C1orf87: variants seen among roughly 807,000 people sequenced by gnomAD.
The protein encoded by C1orf87 is chromosome 1 open reading frame 87, also known as uncharacterized protein C1orf87.
In C1orf87, 58 loss-of-function variants were observed where a neutral mutation model predicts 60.5. The observed-to-expected ratio is 0.96, with a 90% CI of 0.78 to 1.19. C1orf87 has a LOEUF of 1.19. C1orf87 is among the 50% of genes most tolerant of loss of function. The pLI, the probability that C1orf87 is intolerant of heterozygous loss-of-function variation, is 0.00. For synonymous variants in C1orf87, 236 were observed against 227.4 expected (o/e 1.04, Z -0.34); for missense variants, 673 against 638.6 (o/e 1.05, Z -0.58).
chr1:60,019,341 G>A (rs546228515), intron 8 of C1orf87, among the ~76,000 whole-genome samples: 7 of 152,266 alleles, frequency 4.6e-5, no homozygotes, highest in South Asian at 4.1e-4. Flanking sequence ...GTTTCCTGTG[G>A]CCACTCAGCC....
chr1:60,041,096 TACAGAGCTGCAGTGG>T lies in C1orf87; in HGVS notation c.363_377del (p.His122_Val126del). ...AGGATAAGGACTGGTCTCCGGTTGG[TACAGAGCTGCAGTGG>T]ACATTTGCTTGACTGGGAATCTTAA... On this transcript the variant is annotated inframe_deletion, in exon 4 of 12. Coordinates refer to ENST00000371201, the MANE Select transcript of C1orf87 (RefSeq NM_152377.3). The T allele has an allele frequency of 6.2e-7, 1 of 1,608,084 alleles. No individual in the cohort carries two copies.
intron 11 of C1orf87, among the ~76,000 whole-genome samples, chr1:59,991,375 T>A (rs1041532545): frequency 5.3e-5 from 8 of 152,186 alleles, no homozygotes; most frequent in African/African-American, 1.9e-4. Context: ...AGCCCCGATA[T>A]AAAATGGAGT....
At chr1:60,046,723 G>A (rs1352353092) in intron 3 of C1orf87, among the ~76,000 whole-genome samples, 2 of 152,070 alleles carry the variant, frequency 1.3e-5, no homozygotes, top group African/African-American at 2.4e-5. Flanking sequence ...ACAGGCATGA[G>A]CCACTGCATC....
At chr1:60,009,440 C>T (rs1645067404) in intron 9 of C1orf87, among the ~76,000 whole-genome samples, 1 of 151,990 alleles carries the variant, frequency 6.6e-6, no homozygotes, top group East Asian at 1.9e-4. Context: ...TGTTTTAAGC[C>T]ACCAAGATTG....
At chr1:60,018,123 G>A (rs894857401) in intron 8 of C1orf87, among the ~76,000 whole-genome samples, 1 of 152,108 alleles carries the variant, frequency 6.6e-6, no homozygotes, top group Non-Finnish European at 1.5e-5. Flanking sequence ...CAGATTAATG[G>A]ACAATATGTA....
intron 7 of C1orf87, among the ~76,000 whole-genome samples, chr1:60,030,222 GA>G (rs1472091181): frequency 1.3e-5 from 2 of 152,192 alleles, no homozygotes; most frequent in Non-Finnish European, 2.9e-5. Flanking sequence ...TCAAACGCAA[GA>G]ATGGGTTAAA....
chr1:60,007,211 C>G (rs139028171), intron 9 of C1orf87, among the ~76,000 whole-genome samples: 8 of 152,176 alleles, frequency 5.3e-5, no homozygotes, highest in African/African-American at 1.4e-4. Flanking sequence ...AGCACCCAGA[C>G]TCTTACATAC....
At chr1:60,008,703 C>T (rs17119974) in intron 9 of C1orf87, 69,381 of 455,028 alleles carry the variant, frequency 0.15, 5,800 homozygotes, top group Admixed American at 0.19. Flanking sequence ...GCCCTAGCCA[C>T]GTGTGAAACC....
chr1:60,014,649 G>A (rs577517609), intron 8 of C1orf87, among the ~76,000 whole-genome samples: 1 of 152,200 alleles, frequency 6.6e-6, no homozygotes, highest in South Asian at 2.1e-4. Context: ...TCTTCTATGA[G>A]GGTTATGAAG....
chr1:60,068,605 C>T (rs1574332788), intron 2 of C1orf87, among the ~76,000 whole-genome samples: 3 of 152,290 alleles, frequency 2.0e-5, no homozygotes, highest in Middle Eastern at 3.4e-3. Context: ...CAATGACTCA[C>T]CAAAATCAAC....
At chr1:60,060,764 TA>T (rs938032238) in intron 2 of C1orf87, among the ~76,000 whole-genome samples, 12 of 151,206 alleles carry the variant, frequency 7.9e-5, no homozygotes, top group South Asian at 2.1e-4. Context: ...TAATTGTGAT[TA>T]AAAAAAAACA....
Position 60,041,127 on chromosome 1 carries a change from G to A in C1orf87, c.347C>T (p.Pro116Leu). The A allele has an allele frequency of 1.3e-6, 2 of 1,573,768 alleles. No homozygotes were observed. Among genetic ancestry groups the A allele is most frequent in the Non-Finnish European group, 1.7e-6 (2 of 1,152,254 alleles). Reference sequence around the variant, plus strand: ...GCTGCAGTGGACATTTGCTTGACTGGGAATCTTAACAGAACAAGGACAAAG... The same window carrying A: ...GCTGCAGTGGACATTTGCTTGACTGAGAATCTTAACAGAACAAGGACAAAG... ...NSSRFLDGNI[P>L]SQANVHCSSV... Residue 116 changes from proline to leucine, a missense_variant, in exon 4 of 12, where the codon CCC becomes CTC. Physicochemically the swap from Pro to Leu is moderately conservative, Grantham distance 98. Transcript: ENST00000371201.
At chr1:60,058,861 TG>T (rs1275341791) in intron 2 of C1orf87, among the ~76,000 whole-genome samples, 1 of 152,116 alleles carries the variant, frequency 6.6e-6, no homozygotes, top group Non-Finnish European at 1.5e-5. Context: ...GTGCAGGATT[TG>T]AAGGCAAAAA....
intron 8 of C1orf87, among the ~76,000 whole-genome samples, chr1:60,019,403 C>T (rs369892131): frequency 6.6e-6 from 1 of 152,166 alleles, no homozygotes; most frequent in African/African-American, 2.4e-5. Flanking sequence ...CTCTTTTCTT[C>T]ATAAATTACC....
chr1:59,995,312 C>T (rs1309597360), intron 11 of C1orf87, among the ~76,000 whole-genome samples: 1 of 152,208 alleles, frequency 6.6e-6, no homozygotes, highest in African/African-American at 2.4e-5. Flanking sequence ...TACCCAGACT[C>T]AGGGTTATTT....
intron 8 of C1orf87, among the ~76,000 whole-genome samples, chr1:60,020,363 T>G (rs1044711870): frequency 6.6e-6 from 1 of 152,098 alleles, no homozygotes; most frequent in Non-Finnish European, 1.5e-5. Flanking sequence ...CACTGACAGC[T>G]TGCAACCGTG....
At chr1:60,072,304 A>G (rs1645589439) in intron 2 of C1orf87, among the ~76,000 whole-genome samples, 1 of 152,200 alleles carries the variant, frequency 6.6e-6, no homozygotes, top group African/African-American at 2.4e-5. Context: ...TTTCCCATCT[A>G]TTTGGAAAAT....
At chr1:60,025,326 G>T in intron 8 of C1orf87, 75 bp downstream of exon 8, 2 of 1,210,264 alleles carry the variant, frequency 1.7e-6, no homozygotes, top group Non-Finnish European at 2.4e-6. Context: ...CATATTTGAA[G>T]TTAAAGCTTC....
chr1:60,005,217 T>A (rs914682801), intron 9 of C1orf87, among the ~76,000 whole-genome samples: 8 of 152,114 alleles, frequency 5.3e-5, no homozygotes, highest in African/African-American at 1.9e-4. Context: ...ATTTGACAGA[T>A]GAGGAAACTG....
Sources: allele counts gnomAD v4.1 joint callset (sites outside exome capture counted in the v4.1 genomes callset), GRCh38; gene constraint gnomAD v4.1.1; transcripts MANE v1.5; gene names NCBI Gene and HGNC (gene_info 2026-07-23, HGNC 2026-07-21).